ARID3B: variants seen among roughly 807,000 people sequenced by gnomAD.
ARID3B encodes the protein AT-rich interaction domain 3B.
A neutral mutation model predicts 51.9 loss-of-function variants in ARID3B; 10 were observed. That is an observed-to-expected ratio of 0.19 (90% CI 0.12 to 0.33). The LOEUF (loss-of-function observed/expected upper bound fraction) is 0.33. Ranked by LOEUF, ARID3B falls within the 10% of genes least tolerant of loss-of-function variation. The pLI, the probability that ARID3B is intolerant of heterozygous loss-of-function variation, is 1.00. For missense variants in ARID3B, 483 were observed against 716.3 expected, an observed-to-expected ratio of 0.67 and a Z score of 3.72; for synonymous variants, 205 against 279.5, an observed-to-expected ratio of 0.73 and a Z score of 2.66.
chr15:74,556,776 G>GGTT (rs1400736813), intron 2 of ARID3B, among the ~76,000 whole-genome samples: 21 of 122,542 alleles, frequency 1.7e-4, no homozygotes, highest in African/African-American at 4.7e-4. Flanking sequence ...TTTGTTTTTT[G>GGTT]TTTTTTTTTT....
chr15:74,569,685 C>T (rs554256766), intron 2 of ARID3B, among the ~76,000 whole-genome samples: 7 of 152,290 alleles, frequency 4.6e-5, no homozygotes, highest in African/African-American at 1.4e-4. Context: ...GATACCCAGA[C>T]GAGTAACTGA....
rs116918094 is a variant in ARID3B at position 74,570,802 on chromosome 15, A to C, written c.553-2060A>C. On this transcript the variant is annotated intron_variant, in intron 2 of 8. Coordinates refer to ENST00000346246, the MANE Select transcript of ARID3B (RefSeq NM_006465.4). ...GACCTGACAGGCATAATTCATCTTG[A>C]TTATTCATTGTGCTAGTTGCCACCA... Among the ~76,000 whole-genome samples the C allele has an allele frequency of 7.2e-5, 11 of 152,348 alleles. No individual in the cohort carries two copies. The East Asian group carries it at 2.1e-3, about 29-fold the overall frequency.
At chr15:74,545,287 C>A (rs1299902826) in intron 2 of ARID3B, among the ~76,000 whole-genome samples, 2 of 152,188 alleles carry the variant, frequency 1.3e-5, no homozygotes, top group African/African-American at 4.8e-5. Flanking sequence ...CAACAAAGAG[C>A]CTTGTAGACA....
chr15:74,552,012 C>T, intron 2 of ARID3B, among the ~76,000 whole-genome samples: 1 of 148,142 alleles, frequency 6.8e-6, no homozygotes, highest in Non-Finnish European at 1.5e-5. Context: ...GTCCTTCATT[C>T]TGCTTATGCT....
At chr15:74,563,244 G>A (rs761707221) in intron 2 of ARID3B, among the ~76,000 whole-genome samples, 1 of 152,206 alleles carries the variant, frequency 6.6e-6, no homozygotes, top group Admixed American at 6.5e-5. Flanking sequence ...GAAGGAATGT[G>A]TATATCATAG....
intron 2 of ARID3B, among the ~76,000 whole-genome samples, chr15:74,561,904 A>G (rs753741951): frequency 6.6e-6 from 1 of 152,114 alleles, no homozygotes; most frequent in East Asian, 1.9e-4. Flanking sequence ...AAATTACAAG[A>G]TACTCAACAT....
intron 4 of ARID3B, among the ~76,000 whole-genome samples, chr15:74,579,101 C>T (rs2061749497): frequency 6.6e-6 from 1 of 152,300 alleles, no homozygotes; most frequent in South Asian, 2.1e-4. Context: ...CCCGAATGAC[C>T]GCAGCTGCAG....
intron 2 of ARID3B, among the ~76,000 whole-genome samples, chr15:74,550,592 A>G (rs993523522): frequency 7.9e-5 from 12 of 151,850 alleles, no homozygotes; most frequent in Admixed American, 3.3e-4. Flanking sequence ...TGCGGTCCCA[A>G]GCTACTCCGG....
intron 2 of ARID3B, among the ~76,000 whole-genome samples, chr15:74,560,358 G>A (rs1344696896): frequency 6.6e-6 from 1 of 152,060 alleles, no homozygotes; most frequent in Non-Finnish European, 1.5e-5. Flanking sequence ...GGAAATGTAT[G>A]AAATAAAAGT....
chr15:74,549,362 A>G (rs1169244920), intron 2 of ARID3B, among the ~76,000 whole-genome samples: 4 of 151,980 alleles, frequency 2.6e-5, no homozygotes, highest in African/African-American at 7.2e-5. Context: ...GGCGTGAGCC[A>G]CTGCGCCCGG....
In ARID3B at chr15:74,597,851, G is replaced by C. The variant is rs2061834433; in HGVS notation, c.*2077G>C. On this transcript the variant is annotated 3_prime_UTR_variant, in exon 9 of 9. Transcript: ENST00000346246. ...AAGGACAACAGCAGGGTGTCACCCA[G>C]AGCCCGATGAGGGGTGCCAGCAGGT... is the stretch of plus-strand genomic sequence containing the variant. The C allele has an allele frequency of 1.9e-6, 1 of 521,780 alleles. No homozygotes were observed. Among genetic ancestry groups the C allele is most frequent in the South Asian group, 1.6e-5 (1 of 63,698 alleles). The allele number at this position is 521,780 out of a possible 1,614,324, so 32.3% of individuals were successfully genotyped here. A position where few individuals can be genotyped will look rare whatever the true frequency, so the allele number is the denominator to read the frequency against.
chr15:74,574,327 T>C (rs1191943258), intron 4 of ARID3B: 1 of 152,238 alleles, frequency 6.6e-6, no homozygotes, highest in Admixed American at 6.5e-5. Flanking sequence ...AGAGAGCTAC[T>C]CCCAGTAGCC....
At chr15:74,590,200 CTG>C (rs1392475490) in intron 5 of ARID3B, among the ~76,000 whole-genome samples, 197 bp downstream of exon 5, 2 of 152,346 alleles carry the variant, frequency 1.3e-5, no homozygotes, top group East Asian at 3.9e-4. Flanking sequence ...AGTGTCTACT[CTG>C]TGCTGGTACT....
chr15:74,554,942 T>A (rs1436562204), intron 2 of ARID3B, among the ~76,000 whole-genome samples: 1 of 150,666 alleles, frequency 6.6e-6, no homozygotes, highest in Non-Finnish European at 1.5e-5. Flanking sequence ...TCATTATACC[T>A]AAAAAAAAAC....
chr15:74,585,124 A>ACCT (rs2061775502), intron 4 of ARID3B, among the ~76,000 whole-genome samples: 1 of 152,190 alleles, frequency 6.6e-6, no homozygotes. Context: ...CTTCCCCATC[A>ACCT]GGTGCTCACC....
At chr15:74,594,737 A>G (rs2061817917) in intron 8 of ARID3B, among the ~76,000 whole-genome samples, 1 of 152,222 alleles carries the variant, frequency 6.6e-6, no homozygotes, top group Non-Finnish European at 1.5e-5. Context: ...GAGAGGACAG[A>G]GTGTAGAGGA....
At chr15:74,593,267 C>G in intron 8 of ARID3B, 31 bp downstream of exon 8, 1 of 1,592,556 alleles carries the variant, frequency 6.3e-7, no homozygotes, top group South Asian at 1.1e-5. Flanking sequence ...GGGAGGCCCA[C>G]GTGGCCGCAG....
At chr15:74,575,507 A>C (rs1227199269) in intron 4 of ARID3B, among the ~76,000 whole-genome samples, 2 of 152,172 alleles carry the variant, frequency 1.3e-5, no homozygotes, top group Non-Finnish European at 2.9e-5. Flanking sequence ...AGGGTATTCA[A>C]GCTGCCTTGA....
chr15:74,565,035 T>TA (rs1046969106), intron 2 of ARID3B, among the ~76,000 whole-genome samples: 5 of 151,866 alleles, frequency 3.3e-5, no homozygotes, highest in African/African-American at 7.3e-5. Flanking sequence ...CTTTTTTTTT[T>TA]AAATTAATTA....
Sources: gnomAD v4.1 joint callset for allele counts (sites outside exome capture counted in the v4.1 genomes callset) on GRCh38, gnomAD v4.1.1 for gene constraint, MANE v1.5 for transcripts, NCBI Gene and HGNC (gene_info 2026-07-23, HGNC 2026-07-21) for gene names.